PRPF6: variants seen among roughly 807,000 people sequenced by gnomAD.
PRPF6 encodes the protein pre-mRNA processing factor 6.
In PRPF6, 42 loss-of-function variants were observed where a neutral mutation model predicts 118.3. That is an observed-to-expected ratio of 0.35 (90% CI 0.28 to 0.46). The LOEUF is 0.46. Among genes scored for constraint, PRPF6 ranks in the 20% least tolerant of loss-of-function variants. The pLI is 1.00. For missense variants in PRPF6, 662 were observed against 1,255.7 expected (o/e 0.53, Z 7.15); for synonymous variants, 481 against 485.1 (o/e 0.99, Z 0.11).
At chr20:64,010,137 C>T in intron 9 of PRPF6, 63 bp from the exon 10 acceptor site, 1 of 1,385,900 alleles carries the variant, frequency 7.2e-7, no homozygotes, top group Non-Finnish European at 1.0e-6. Context: ...GCATGCTCAC[C>T]ACATGAGCCT....
intron 3 of PRPF6, among the ~76,000 whole-genome samples, chr20:63,989,171 A>G (rs1430880165): frequency 6.6e-6 from 1 of 152,206 alleles, no homozygotes; most frequent in Non-Finnish European, 1.5e-5. Flanking sequence ...CGGTGCTGGG[A>G]AAACTGGATA....
chr20:64,015,072 G>A (rs1037323829), intron 11 of PRPF6, among the ~76,000 whole-genome samples: 5 of 152,110 alleles, frequency 3.3e-5, no homozygotes, highest in African/African-American at 1.2e-4. Flanking sequence ...TATTATTTTT[G>A]TCTGTTGTTT....
intron 11 of PRPF6, 22 bp from the exon 12 acceptor site, chr20:64,016,696 CAAATA>C: frequency 6.2e-7 from 1 of 1,613,668 alleles, no homozygotes; most frequent in South Asian, 1.1e-5. Flanking sequence ...TCCAAAATCA[CAAATA>C]AGTTTTGTGT....
intron 3 of PRPF6, among the ~76,000 whole-genome samples, chr20:63,987,257 A>T (rs2059099043): frequency 6.6e-6 from 1 of 151,618 alleles, no homozygotes; most frequent in Admixed American, 6.6e-5. Context: ...CTGTAATCAC[A>T]GCCCTTTGGG....
At position 63,995,478 on chromosome 20, in the gene PRPF6, G is replaced by A; in HGVS notation, c.767G>A (p.Ser256Asn). ...AACACTCTGATGGACATGAGGCTGAGCCAGGTGAGTTTGTCACACAGCATT... is the reference window on the plus strand; with the variant it reads ...AACACTCTGATGGACATGAGGCTGAACCAGGTGAGTTTGTCACACAGCATT... ...ARNTLMDMRL[S>N]QVSDSVSGQT... Residue 256 changes from serine to asparagine, a missense_variant, in exon 6 of 21, where the codon AGC becomes AAC. Transcript: ENST00000266079. The A allele has an allele frequency of 6.2e-7, 1 of 1,614,100 alleles. No individual in the cohort carries two copies. Among genetic ancestry groups the A allele is most frequent in the Non-Finnish European group, 8.5e-7 (1 of 1,180,022 alleles).
chr20:63,993,288 T>G, intron 3 of PRPF6, 119 bp from the exon 4 acceptor site: 1 of 480,760 alleles, frequency 2.1e-6, no homozygotes. Flanking sequence ...ATATATATAT[T>G]TGATTTAGCT....
intron 7 of PRPF6, 84 bp from the exon 8 acceptor site, chr20:63,999,519 C>T: frequency 1.3e-6 from 2 of 1,541,602 alleles, no homozygotes; most frequent in Admixed American, 3.3e-5. Flanking sequence ...TACATTGTGA[C>T]TGTGAAGTGG....
chr20:64,024,444 C>T (rs968121858), intron 13 of PRPF6, 111 bp from the exon 14 acceptor site: 10 of 1,402,430 alleles, frequency 7.1e-6, no homozygotes, highest in Middle Eastern at 1.8e-4. Flanking sequence ...TTTATAGCAT[C>T]GAACTTTGGA....
chr20:63,984,824 T>C (rs988145556), intron 2 of PRPF6, 83 bp from the exon 3 acceptor site: 1 of 1,000,436 alleles, frequency 1.0e-6, no homozygotes, highest in African/African-American at 1.6e-5. Flanking sequence ...TAGCAAGTAT[T>C]TCACAAGTAG....
chr20:64,017,410 C>T (rs1440988279), intron 12 of PRPF6, among the ~76,000 whole-genome samples: 13 of 148,916 alleles, frequency 8.7e-5, no homozygotes, highest in African/African-American at 2.0e-4. Context: ...TGAGCCGCCG[C>T]GCCCGGCCTC....
In PRPF6 at chr20:64,022,804, C is replaced by T. The variant is rs181407049; in HGVS notation, c.1695C>T (p.Tyr565=). Residue 565 remains tyrosine, a synonymous_variant, in exon 13 of 21, where the codon TAC becomes TAT. Coordinates refer to ENST00000266079, the MANE Select transcript of PRPF6 (RefSeq NM_012469.4). Reference sequence around the variant, plus strand: ...AGTGTGCACGAGCCATCTACGCCTACGCCCTGCAGGTGTTCCCCAGCAAGA... The same window carrying T: ...AGTGTGCACGAGCCATCTACGCCTATGCCCTGCAGGTGTTCCCCAGCAAGA... ...ALECARAIYA[Y]ALQVFPSKKS... 1.3e-4 allele frequency: 214 copies of T among 1,614,132 alleles called. No homozygotes were observed. The East Asian group carries it at 3.9e-3, about 29-fold the overall frequency.
Position 63,999,028 on chromosome 20 carries a change from C to T in PRPF6, c.772-17C>T. 6.2e-7 allele frequency: 1 copy of T among 1,604,792 alleles called. No homozygotes were observed. Among genetic ancestry groups the T allele is most frequent in the South Asian group, 1.1e-5 (1 of 90,510 alleles). On this transcript the variant is annotated splice_polypyrimidine_tract_variant and intron_variant, in intron 6 of 20. Transcript: ENST00000266079. ...CTGGTCATGTCCAGCTGACTCTTAGCTTGGCCTGTCTCACAGGTGTCTGAC... is the reference window on the plus strand; with the variant it reads ...CTGGTCATGTCCAGCTGACTCTTAGTTTGGCCTGTCTCACAGGTGTCTGAC...
intron 6 of PRPF6, among the ~76,000 whole-genome samples, chr20:63,998,586 A>C (rs1050518953): frequency 4.7e-5 from 7 of 150,270 alleles, no homozygotes; most frequent in African/African-American, 1.7e-4. Context: ...TCACGCCTGT[A>C]ATCCCAGCAC....
At chr20:64,014,285 AT>A (rs376275766) in intron 11 of PRPF6, among the ~76,000 whole-genome samples, 16 of 152,158 alleles carry the variant, frequency 1.1e-4, no homozygotes, top group African/African-American at 3.9e-4. Flanking sequence ...TTTTCTGGAC[AT>A]TTTATATACA....
In PRPF6 at chr20:64,032,008, C is replaced by G; in HGVS notation, c.2637C>G (p.Ala879=). 1 of 1,614,118 alleles carries G rather than the reference C, an allele frequency of 6.2e-7. No individual in the cohort carries two copies. Among genetic ancestry groups the G allele is most frequent in the South Asian group, 1.1e-5 (1 of 91,078 alleles). ...KIDSDLGDAW[A]FFYKFELQHG... ...ACTCGGACCTGGGGGATGCCTGGGC[C>G]TTCTTCTACAAGTTTGAGCTGCAGC... Residue 879 remains alanine, a synonymous_variant, in exon 20 of 21, where the codon GCC becomes GCG. Coordinates refer to ENST00000266079, the MANE Select transcript of PRPF6 (RefSeq NM_012469.4).
chr20:64,010,064 A>G (rs1352617757), intron 9 of PRPF6, 136 bp from the exon 10 acceptor site: 12 of 795,592 alleles, frequency 1.5e-5, no homozygotes, highest in East Asian at 1.5e-4. Context: ...AGGAAGCCAC[A>G]TAAAGGGCAG....
chr20:64,026,539 C>T lies in PRPF6; in HGVS notation c.2029-443C>T, dbSNP rs6011260. Among the ~76,000 whole-genome samples the T allele has an allele frequency of 5.8e-3, 877 of 151,168 alleles. 13 individuals are homozygous for T. Among genetic ancestry groups the T allele is most frequent in the African/African-American group, 0.02 (830 of 41,050 alleles). On this transcript the variant is annotated intron_variant, in intron 15 of 20. Coordinates refer to ENST00000266079, the MANE Select transcript of PRPF6 (RefSeq NM_012469.4). The surrounding 1 kb of genome is among the most constrained non-coding windows in gnomAD (Gnocchi z 4.4). Reference sequence around the variant, plus strand: ...AACAACAACAAACATGTTCATACGGCCGGGTGTGGTGGCTCACGCCTGTAA... The same window carrying T: ...AACAACAACAAACATGTTCATACGGTCGGGTGTGGTGGCTCACGCCTGTAA...
At chr20:64,022,332 G>C (rs1413530533) in intron 12 of PRPF6, among the ~76,000 whole-genome samples, 1 of 152,134 alleles carries the variant, frequency 6.6e-6, no homozygotes. Flanking sequence ...GGGGAGGACA[G>C]AGTGTGACTC....
rs2059294088 is a variant in PRPF6, at chr20:64,026,980, A to G, written c.2029-2A>G. On this transcript the variant is annotated splice_acceptor_variant, in intron 15 of 20. Coordinates refer to ENST00000266079, the MANE Select transcript of PRPF6 (RefSeq NM_012469.4). LOFTEE classifies it high-confidence loss of function. The surrounding 1 kb of genome is among the most constrained non-coding windows in gnomAD (Gnocchi z 4.4). Reference sequence around the variant, plus strand: ...GCGTGACAGTGCATGTCTGCCCCACAGGTGTTCATGAAGTCTGTGAAGCTG... The same window carrying G: ...GCGTGACAGTGCATGTCTGCCCCACGGGTGTTCATGAAGTCTGTGAAGCTG... The G allele has an allele frequency of 6.2e-7, 1 of 1,613,786 alleles. No homozygotes were observed. Among genetic ancestry groups the G allele is most frequent in the Non-Finnish European group, 8.5e-7 (1 of 1,180,014 alleles).
Sources: allele counts gnomAD v4.1 joint callset (sites outside exome capture counted in the v4.1 genomes callset), GRCh38; gene constraint gnomAD v4.1.1; non-coding constraint Gnocchi (gnomAD v3.1); transcripts MANE v1.5; gene names NCBI Gene and HGNC (gene_info 2026-07-23, HGNC 2026-07-21).